PDGFC: variants seen among roughly 807,000 people sequenced by gnomAD.
The protein encoded by PDGFC is platelet derived growth factor C.
Under a neutral mutation model 35.5 loss-of-function variants are expected in PDGFC, and 12 were observed. That is an observed-to-expected ratio of 0.34 (90% CI 0.22 to 0.55). The LOEUF (loss-of-function observed/expected upper bound fraction) is 0.55, where lower values mean the gene tolerates loss of function less well. Among genes scored for constraint, PDGFC ranks in the 20% least tolerant of loss-of-function variants. The pLI, the probability that PDGFC is intolerant of heterozygous loss-of-function variation, is 0.91. For synonymous variants in PDGFC, 159 were observed against 148.8 expected (o/e 1.07, Z -0.50); for missense variants, 322 against 412.4 (o/e 0.78, Z 1.90).
intron 1 of PDGFC, among the ~76,000 whole-genome samples, chr4:156,863,736 G>A (rs1037641039): frequency 3.9e-5 from 6 of 151,928 alleles, no homozygotes; most frequent in Admixed American, 2.0e-4. Flanking sequence ...TACCGTTCCC[G>A]AATTTGATAC....
chr4:156,899,529 A>C (rs1730715940), intron 1 of PDGFC, among the ~76,000 whole-genome samples: 1 of 152,240 alleles, frequency 6.6e-6, no homozygotes, highest in Non-Finnish European at 1.5e-5. Flanking sequence ...ATAAATTAAA[A>C]TTAGCTTGGG....
chr4:156,840,915 T>A (rs536197290), intron 2 of PDGFC, among the ~76,000 whole-genome samples: 1 of 152,292 alleles, frequency 6.6e-6, no homozygotes, highest in African/African-American at 2.4e-5. Flanking sequence ...TTTAAGCCAA[T>A]TTCTCCCATT....
chr4:156,964,010 G>A (rs1579129752), intron 1 of PDGFC, among the ~76,000 whole-genome samples: 1 of 149,212 alleles, frequency 6.7e-6, no homozygotes, highest in African/African-American at 2.5e-5. Context: ...TTGAACTTCT[G>A]AATAGAATAT....
chr4:156,890,917 A>ATG (rs764791894), intron 1 of PDGFC, among the ~76,000 whole-genome samples: 13 of 151,920 alleles, frequency 8.6e-5, no homozygotes, highest in African/African-American at 2.9e-4. Context: ...ATATGTGTAT[A>ATG]TGTGTGTGTG....
At chr4:156,882,414 G>A (rs921871324) in intron 1 of PDGFC, among the ~76,000 whole-genome samples, 1 of 152,074 alleles carries the variant, frequency 6.6e-6, no homozygotes, top group African/African-American at 2.4e-5. Flanking sequence ...TACCTTATGT[G>A]AAGAAAAAGT....
chr4:156,779,699 A>C (rs1166666199), intron 3 of PDGFC, among the ~76,000 whole-genome samples: 1 of 152,196 alleles, frequency 6.6e-6, no homozygotes, highest in Non-Finnish European at 1.5e-5. Context: ...TTATTTACTA[A>C]GTAGACCTTC....
At chr4:156,859,293 T>C (rs1729653905) in intron 1 of PDGFC, among the ~76,000 whole-genome samples, 2 of 152,100 alleles carry the variant, frequency 1.3e-5, no homozygotes, top group African/African-American at 4.8e-5. Flanking sequence ...CAAAAGTGAA[T>C]GTATATAATG....
chr4:156,850,951 G>T (rs569211072), intron 1 of PDGFC, among the ~76,000 whole-genome samples: 2 of 152,288 alleles, frequency 1.3e-5, no homozygotes, highest in South Asian at 4.1e-4. Context: ...AGAGGCAGAA[G>T]TGGATAGGTA....
intron 1 of PDGFC, among the ~76,000 whole-genome samples, chr4:156,888,958 T>C (rs1730439990): frequency 6.6e-6 from 1 of 152,214 alleles, no homozygotes; most frequent in African/African-American, 2.4e-5. Context: ...TGAGGTATTC[T>C]AATGTTGTGT....
At chr4:156,810,747 T>G (rs1731909954) in intron 3 of PDGFC, 90 bp downstream of exon 3, 1 of 842,130 alleles carries the variant, frequency 1.2e-6, no homozygotes, top group Non-Finnish European at 1.9e-6. Context: ...TTTCTGATTT[T>G]TTTTCTGATT....
intron 1 of PDGFC, among the ~76,000 whole-genome samples, chr4:156,929,723 G>C (rs571646462): frequency 6.6e-6 from 1 of 152,328 alleles, no homozygotes; most frequent in Admixed American, 6.5e-5. Context: ...TCTTTATGCA[G>C]AGTAGAATGG....
At chr4:156,771,526 C>G (rs369288442) in intron 4 of PDGFC, among the ~76,000 whole-genome samples, 3 of 152,152 alleles carry the variant, frequency 2.0e-5, no homozygotes, top group Non-Finnish European at 2.9e-5. Flanking sequence ...CTGGACAGGA[C>G]TCAACTGCCC....
chr4:156,856,671 A>G (rs1264468498), intron 1 of PDGFC, among the ~76,000 whole-genome samples: 3 of 152,096 alleles, frequency 2.0e-5, no homozygotes, highest in Admixed American at 6.6e-5. Context: ...TGATACTCTA[A>G]AGAAACTTGA....
At chr4:156,826,483 T>C (rs1260324752) in intron 2 of PDGFC, among the ~76,000 whole-genome samples, 1 of 152,080 alleles carries the variant, frequency 6.6e-6, no homozygotes, top group Non-Finnish European at 1.5e-5. Context: ...GGTACAGGAA[T>C]GAGCCACCAT....
chr4:156,952,868 G>T (rs1192054001), intron 1 of PDGFC, among the ~76,000 whole-genome samples: 1 of 151,556 alleles, frequency 6.6e-6, no homozygotes, highest in East Asian at 1.9e-4. Flanking sequence ...TCAAATTTGG[G>T]GCATAAAAAA....
chr4:156,838,884 C>T (rs1026546585), intron 2 of PDGFC, among the ~76,000 whole-genome samples: 4 of 152,080 alleles, frequency 2.6e-5, no homozygotes, highest in African/African-American at 7.2e-5. Flanking sequence ...CTACAAAGTC[C>T]GGAGGAGTCA....
Position 156,772,796 on chromosome 4 carries a change from T to C in PDGFC, c.593A>G (p.Asp198Gly). The C allele has an allele frequency of 3.1e-6, 5 of 1,612,790 alleles. No homozygotes were observed. Among genetic ancestry groups the C allele is most frequent in the Non-Finnish European group, 4.2e-6 (5 of 1,178,892 alleles). The change falls in exon 4 of 6, where the codon GAC becomes GGC. Residue 198 changes from aspartate to glycine, a missense_variant. Coordinates refer to ENST00000502773, the MANE Select transcript of PDGFC (RefSeq NM_016205.3). ...CTCTGGTTCAAGATATCGAATAAGG[T>C]CTTCCAAGGTACTAAAGGCAGTTAT... ...NAITAFSTLE[D>G]LIRYLEPERW...
intron 1 of PDGFC, among the ~76,000 whole-genome samples, chr4:156,893,453 A>G (rs1370811021): frequency 3.3e-5 from 5 of 151,886 alleles, no homozygotes; most frequent in Admixed American, 3.3e-4. Context: ...CAGCTTCTTG[A>G]GCAGTTGGGA....
At chr4:156,786,651 T>A in intron 3 of PDGFC, among the ~76,000 whole-genome samples, 1 of 152,034 alleles carries the variant, frequency 6.6e-6, no homozygotes, top group East Asian at 1.9e-4. Flanking sequence ...GACTGGGGAG[T>A]AGAGCTGCCA....
Sources: allele counts gnomAD v4.1 joint callset (sites outside exome capture counted in the v4.1 genomes callset), GRCh38; gene constraint gnomAD v4.1.1; transcripts MANE v1.5; gene names NCBI Gene and HGNC (gene_info 2026-07-23, HGNC 2026-07-21).